ZNF860: variants seen among roughly 807,000 people sequenced by gnomAD.
ZNF860 encodes the protein zinc finger protein 860.
For synonymous variants in ZNF860, 206 were observed against 248.9 expected, an observed-to-expected ratio of 0.83 and a Z score of 1.62; for missense variants, 641 against 759.2, an observed-to-expected ratio of 0.84 and a Z score of 1.83.
chr3:32,005,032 T>C, the ZNF860 span, among the ~76,000 whole-genome samples: 1 of 152,202 alleles, frequency 6.6e-6, no homozygotes, highest in Admixed American at 6.5e-5. Context: ...ACACCGTAGA[T>C]CTTAATCTGC....
chr3:31,999,693 A>G, the ZNF860 span, among the ~76,000 whole-genome samples: 3 of 152,062 alleles, frequency 2.0e-5, no homozygotes, highest in African/African-American at 7.2e-5. Context: ...TTTGCCATTC[A>G]TAAGTTTTGC....
At chr3:31,987,679 G>A (rs1262404008) in intron 1 of ZNF860, among the ~76,000 whole-genome samples, 3 of 152,198 alleles carry the variant, frequency 2.0e-5, no homozygotes, top group Non-Finnish European at 1.5e-5. Flanking sequence ...CATGGCATGG[G>A]GAGGGTTCCA....
Position 31,989,234 on chromosome 3 carries a change from T to G in ZNF860, c.155T>G (p.Met52Arg). 1 of 1,614,196 alleles carries G rather than the reference T, an allele frequency of 6.2e-7. No individual in the cohort carries two copies. Among genetic ancestry groups the G allele is most frequent in the Non-Finnish European group, 8.5e-7 (1 of 1,180,040 alleles). The stretch of plus-strand genomic sequence containing the variant: ...ACGCAGAGGGCTTTATACAGGGCCA[T>G]GATGTTGGAGAACTACAGGAACCTG... ...DPTQRALYRAMMLENYRNLHS... is the reference protein window; with the variant it reads ...DPTQRALYRARMLENYRNLHS... Residue 52 changes from methionine to arginine, a missense_variant, in exon 2 of 2, where the codon ATG (methionine) becomes AGG (arginine). Coordinates refer to ENST00000360311, the MANE Select transcript of ZNF860 (RefSeq NM_001137674.3).
the ZNF860 span, among the ~76,000 whole-genome samples, chr3:31,997,509 C>T: frequency 4.6e-5 from 7 of 151,916 alleles, no homozygotes; most frequent in South Asian, 2.1e-4. Context: ...ATGATCTGCC[C>T]GCTTCAGCCT....
chr3:31,994,070 C>T (rs1411344221), downstream of ZNF860, among the ~76,000 whole-genome samples: 1 of 152,184 alleles, frequency 6.6e-6, no homozygotes, highest in Non-Finnish European at 1.5e-5. Flanking sequence ...ACTATTGTTA[C>T]ATGCAATATT....
the ZNF860 span, among the ~76,000 whole-genome samples, chr3:32,002,587 G>C: frequency 6.8e-6 from 1 of 147,660 alleles, no homozygotes; most frequent in Admixed American, 6.8e-5. Context: ...TCTGTACCTA[G>C]GGTTTGAATC....
intron 1 of ZNF860, among the ~76,000 whole-genome samples, chr3:31,982,394 G>T (rs539001357): frequency 3.9e-5 from 6 of 152,118 alleles, no homozygotes; most frequent in African/African-American, 1.4e-4. Context: ...GGTGATAGAT[G>T]ATAGGTGATC....
At position 31,989,232 on chromosome 3, in the gene ZNF860, C is replaced by T. The variant is rs1348763504; in HGVS notation, c.153C>T (p.Ala51=). The T allele has an allele frequency of 6.2e-7, 1 of 1,614,132 alleles. No individual in the cohort carries two copies. Among genetic ancestry groups the T allele is most frequent in the Admixed American group, 1.7e-5 (1 of 60,008 alleles). ...CTACGCAGAGGGCTTTATACAGGGC[C>T]ATGATGTTGGAGAACTACAGGAACC... is the stretch of plus-strand genomic sequence containing the variant. The part of the protein sequence containing the change: ...LDPTQRALYR[A]MMLENYRNLH... The change falls in exon 2 of 2, where the codon GCC becomes GCT. Residue 51 remains alanine (A), a synonymous_variant. Coordinates refer to ENST00000360311, the MANE Select transcript of ZNF860 (RefSeq NM_001137674.3).
chr3:31,987,219 A>G (rs1698947081), intron 1 of ZNF860, among the ~76,000 whole-genome samples: 1 of 152,174 alleles, frequency 6.6e-6, no homozygotes, highest in South Asian at 2.1e-4. Flanking sequence ...GGTTCATACT[A>G]TAAAACATAT....
At chr3:31,993,100 T>C (rs1306831277), downstream of ZNF860, among the ~76,000 whole-genome samples, 1 of 152,166 alleles carries the variant, frequency 6.6e-6, no homozygotes, top group Non-Finnish European at 1.5e-5. Context: ...GCAAATCATG[T>C]GTTTGACCAA....
At chr3:31,991,979 C>G (rs185331767), downstream of ZNF860, among the ~76,000 whole-genome samples, 2 of 152,022 alleles carry the variant, frequency 1.3e-5, no homozygotes, top group Non-Finnish European at 2.9e-5. Flanking sequence ...AACCCCACCT[C>G]TACAAAAAAT....
chr3:31,985,560 AG>A (rs1156368705), intron 1 of ZNF860, among the ~76,000 whole-genome samples: 5 of 152,244 alleles, frequency 3.3e-5, no homozygotes, highest in Admixed American at 1.3e-4. Flanking sequence ...GTTGTTTCTG[AG>A]GCTCCCTCCT....
At position 31,981,996 on chromosome 3, in the gene ZNF860, T is replaced by G. The variant is rs1422584376; in HGVS notation, c.-421+94T>G. The G allele has an allele frequency of 1.3e-5, 2 of 152,210 alleles. No homozygotes were observed. The highest frequency in any genetic ancestry group is 3.9e-4 in the East Asian group (2 of 5,178). The allele number at this position is 152,210 out of a possible 1,614,324, so 9.4% of individuals were successfully genotyped here. A position where few individuals can be genotyped will look rare whatever the true frequency, so the allele number is the denominator to read the frequency against. On this transcript the variant is annotated intron_variant, in intron 1 of 1. Coordinates refer to ENST00000360311, the MANE Select transcript of ZNF860 (RefSeq NM_001137674.3). The surrounding 1 kb of genome is among the most constrained non-coding windows in gnomAD (Gnocchi z 4.5). ...GGGTGAGGCGCGCGAACTCTCAGGT[T>G]TGTGCGAGTGCTTCCTTAAATTGAG...
At chr3:31,995,020 T>C (rs1699075644), downstream of ZNF860, among the ~76,000 whole-genome samples, 1 of 152,142 alleles carries the variant, frequency 6.6e-6, no homozygotes, top group African/African-American at 2.4e-5. Flanking sequence ...GGAAGGGGTA[T>C]ATGAATAGGG....
chr3:31,984,217 T>A (rs1698901876), intron 1 of ZNF860, among the ~76,000 whole-genome samples: 1 of 152,084 alleles, frequency 6.6e-6, no homozygotes, highest in African/African-American at 2.4e-5. Flanking sequence ...TTTTTTTGTA[T>A]TTTTAGTAGA....
downstream of ZNF860, among the ~76,000 whole-genome samples, chr3:31,996,126 G>A (rs1699088304): frequency 1.3e-5 from 2 of 152,150 alleles, no homozygotes; most frequent in Admixed American, 6.5e-5. Flanking sequence ...AGTTTTAAGT[G>A]GTTTGCAAAA....
rs1698919425 is a variant in ZNF860 at position 31,985,333 on chromosome 3, G to GA, written c.-420-3321dup. The stretch of plus-strand genomic sequence containing the variant: ...TTACCCAGATTGCATAAATCACTTA[G>GA]AAAAAATTTTAAACGTAAATAGAAT... On this transcript the variant is annotated intron_variant, in intron 1 of 1. Transcript: ENST00000360311. Among the ~76,000 whole-genome samples the GA allele has an allele frequency of 3.9e-5, 6 of 152,146 alleles. No individual in the cohort carries two copies. In the South Asian group the frequency reaches 1.2e-3, roughly 32 times the overall value.
downstream of ZNF860, among the ~76,000 whole-genome samples, chr3:31,992,133 G>T (rs1057480735): frequency 3.5e-5 from 5 of 142,450 alleles, no homozygotes; most frequent in Non-Finnish European, 7.5e-5. Flanking sequence ...GCAACAGAGC[G>T]AGACTCCATC....
intron 1 of ZNF860, among the ~76,000 whole-genome samples, chr3:31,985,760 C>A (rs1419158027): frequency 6.6e-6 from 1 of 152,184 alleles, no homozygotes; most frequent in Non-Finnish European, 1.5e-5. Context: ...TGTTGTACGT[C>A]CCAAATAATA....
Sources: allele counts gnomAD v4.1 joint callset (sites outside exome capture counted in the v4.1 genomes callset), GRCh38; gene constraint gnomAD v4.1.1; non-coding constraint Gnocchi (gnomAD v3.1); transcripts MANE v1.5; gene names NCBI Gene and HGNC (gene_info 2026-07-23, HGNC 2026-07-21).